Variants in GPR39 observed in about 807,000 individuals in gnomAD.
GPR39 encodes zinc sensing receptor.
In GPR39, 23 loss-of-function variants were observed where a neutral mutation model predicts 18.4. That is an observed-to-expected ratio of 1.25 (90% CI 0.90 to 1.77). The LOEUF (loss-of-function observed/expected upper bound fraction) is 1.77. GPR39 is among the 40% of genes most tolerant of loss of function. The pLI is 0.00. For synonymous variants in GPR39, 280 were observed against 257.9 expected (o/e 1.09, Z -0.82); for missense variants, 647 against 602.4 (o/e 1.07, Z -0.78).
intron 1 of GPR39, among the ~76,000 whole-genome samples, chr2:132,493,610 C>T (rs1238976144): frequency 6.7e-6 from 1 of 150,146 alleles, no homozygotes; most frequent in African/African-American, 2.5e-5. Flanking sequence ...CATGATGAGT[C>T]TGCCATTTCT....
Position 132,447,673 on chromosome 2 carries a change from TG to T in GPR39, c.856+29776del, listed in dbSNP as rs202143730. Among the ~76,000 whole-genome samples the T allele has an allele frequency of 5.0e-4, 76 of 152,058 alleles. 1 individual carries two copies. Among genetic ancestry groups the T allele is most frequent in the African/African-American group, 1.5e-3 (62 of 41,552 alleles). Reference sequence around the variant, plus strand: ...ACATTACAGGTGTTCCAAAAATATTTGTTTTTTAGCAAAATTGGAGCAATTA... The same window carrying T: ...ACATTACAGGTGTTCCAAAAATATTTTTTTTTAGCAAAATTGGAGCAATTA... On this transcript the variant is annotated intron_variant, in intron 1 of 1. Coordinates refer to ENST00000329321, the MANE Select transcript of GPR39 (RefSeq NM_001508.3).
At chr2:132,530,133 G>C (rs1403152221) in intron 1 of GPR39, among the ~76,000 whole-genome samples, 1 of 152,044 alleles carries the variant, frequency 6.6e-6, no homozygotes, top group South Asian at 2.1e-4. Context: ...TGGCTAACTA[G>C]AATAACCAAT....
chr2:132,620,216 C>G (rs1451063584), intron 1 of GPR39, among the ~76,000 whole-genome samples: 1 of 152,140 alleles, frequency 6.6e-6, no homozygotes, highest in African/African-American at 2.4e-5. Context: ...GATAAATACC[C>G]AGGCAGTTCC....
intron 1 of GPR39, among the ~76,000 whole-genome samples, chr2:132,528,360 G>A (rs76569172): frequency 6.6e-6 from 1 of 152,162 alleles, no homozygotes; most frequent in African/African-American, 2.4e-5. Context: ...AACCCAGGTA[G>A]CATGATGCCT....
At chr2:132,488,716 C>T (rs1176571251) in intron 1 of GPR39, 2 of 152,724 alleles carry the variant, frequency 1.3e-5, no homozygotes, top group African/African-American at 4.8e-5. Context: ...CCTTGGTTTT[C>T]CTTACCCATG....
chr2:132,605,611 T>C (rs1681123471), intron 1 of GPR39, among the ~76,000 whole-genome samples: 1 of 152,192 alleles, frequency 6.6e-6, no homozygotes, highest in South Asian at 2.1e-4. Flanking sequence ...CATGGGCTTA[T>C]CTTTCCCTCT....
At chr2:132,480,711 T>C (rs191050556) in intron 1 of GPR39, among the ~76,000 whole-genome samples, 4 of 152,296 alleles carry the variant, frequency 2.6e-5, no homozygotes, top group East Asian at 1.9e-4. Flanking sequence ...TAGTGACTTA[T>C]GTGGGGAGAT....
chr2:132,581,321 G>C (rs1014192217), intron 1 of GPR39, among the ~76,000 whole-genome samples: 1 of 145,640 alleles, frequency 6.9e-6, no homozygotes, highest in African/African-American at 2.6e-5. Flanking sequence ...CAGGGCTATG[G>C]GGGAACGATA....
In GPR39 at chr2:132,645,486, G is replaced by C; in HGVS notation, c.1242G>C (p.Gln414His). Residue 414 changes from glutamine to histidine, a missense_variant, in exon 2 of 2, where the codon CAG becomes CAC. Gln to His is a conservative substitution (Grantham distance 24). Coordinates refer to ENST00000329321, the MANE Select transcript of GPR39 (RefSeq NM_001508.3). ...AGAAGATTTTCTTAAGCACTTTTCA[G>C]AGCGAGGCCGAGCCCCAGTCTAAGT... ...RTEKIFLSTF[Q>H]SEAEPQSKSQ... The C allele has an allele frequency of 6.2e-7, 1 of 1,613,866 alleles. No homozygotes were observed. The highest frequency in any genetic ancestry group is 1.7e-5 in the Admixed American group (1 of 60,030).
At chr2:132,563,281 A>G (rs1323328357) in intron 1 of GPR39, among the ~76,000 whole-genome samples, 1 of 152,210 alleles carries the variant, frequency 6.6e-6, no homozygotes, top group Non-Finnish European at 1.5e-5. Context: ...CAGCCACAGT[A>G]TTCTTTCAAG....
chr2:132,633,911 G>A lies in GPR39; in HGVS notation c.857-11190G>A, dbSNP rs185436371. Among the ~76,000 whole-genome samples the A allele has an allele frequency of 1.0e-3, 151 of 147,816 alleles. 1 individual carries two copies. Among genetic ancestry groups the A allele is most frequent in the African/African-American group, 3.8e-3 (144 of 37,504 alleles). The stretch of plus-strand genomic sequence containing the variant: ...GGTATAGGTGGAGGTGATAATAATG[G>A]TGGTGGTGTGGTAGCAGTGTTATTA... On this transcript the variant is annotated intron_variant, in intron 1 of 1. Coordinates refer to ENST00000329321, the MANE Select transcript of GPR39 (RefSeq NM_001508.3).
At chr2:132,422,110 A>G (rs1335647249) in intron 1 of GPR39, among the ~76,000 whole-genome samples, 1 of 152,250 alleles carries the variant, frequency 6.6e-6, no homozygotes, top group Non-Finnish European at 1.5e-5. Context: ...TTTTTCTAAC[A>G]AAACCATCTG....
At chr2:132,586,789 T>C (rs889445218) in intron 1 of GPR39, among the ~76,000 whole-genome samples, 1 of 152,256 alleles carries the variant, frequency 6.6e-6, no homozygotes, top group South Asian at 2.1e-4. Context: ...ATTGTAGATA[T>C]GTGCCCACCA....
chr2:132,588,712 C>T (rs1680774331), intron 1 of GPR39, among the ~76,000 whole-genome samples: 1 of 152,192 alleles, frequency 6.6e-6, no homozygotes, highest in African/African-American at 2.4e-5. Flanking sequence ...AAGGAAGAAG[C>T]TGCATCTTTT....
chr2:132,561,120 A>G (rs978789397), intron 1 of GPR39, among the ~76,000 whole-genome samples: 6 of 151,524 alleles, frequency 4.0e-5, no homozygotes, highest in African/African-American at 1.2e-4. Flanking sequence ...GGGTTTCACC[A>G]TATTGGCCAG....
At chr2:132,614,283 T>G (rs1385291170) in intron 1 of GPR39, among the ~76,000 whole-genome samples, 1 of 152,150 alleles carries the variant, frequency 6.6e-6, no homozygotes, top group Non-Finnish European at 1.5e-5. Flanking sequence ...CTCGGCTCAC[T>G]GCAACCTCCA....
chr2:132,489,176 C>T, intron 1 of GPR39: 1 of 231,576 alleles, frequency 4.3e-6, no homozygotes, highest in Non-Finnish European at 9.1e-6. Context: ...CAGTCTGGTA[C>T]ACAAATGCAT....
At chr2:132,446,052 C>T (rs1372159921) in intron 1 of GPR39, among the ~76,000 whole-genome samples, 1 of 152,172 alleles carries the variant, frequency 6.6e-6, no homozygotes, top group Admixed American at 6.5e-5. Flanking sequence ...CTCAGAGAAG[C>T]ATGTGGGCAA....
chr2:132,521,236 T>C (rs914437525), intron 1 of GPR39, among the ~76,000 whole-genome samples: 1 of 152,228 alleles, frequency 6.6e-6, no homozygotes, highest in African/African-American at 2.4e-5. Flanking sequence ...CACTGCTAGC[T>C]GTAAAGGAGC....
Sources: allele counts gnomAD v4.1 joint callset (sites outside exome capture counted in the v4.1 genomes callset), GRCh38; gene constraint gnomAD v4.1.1; transcripts MANE v1.5; gene names NCBI Gene and HGNC (gene_info 2026-07-23, HGNC 2026-07-21).